AFF3: variants seen among roughly 807,000 people sequenced by gnomAD.
AFF3 encodes the protein AF4/FMR2 family member 3.
AFF3 carries 32 observed loss-of-function variants against 129.7 expected under a neutral mutation model. That is an observed-to-expected ratio of 0.25 (90% CI 0.19 to 0.33). The LOEUF (loss-of-function observed/expected upper bound fraction) is 0.33. Ranked by LOEUF, AFF3 falls within the 10% of genes least tolerant of loss-of-function variation. AFF3 has a pLI of 1.00. For missense variants in AFF3, 1,373 were observed against 1,592.0 expected (o/e 0.86, Z 2.34); for synonymous variants, 644 against 635.4 (o/e 1.01, Z -0.20).
intron 11 of AFF3, among the ~76,000 whole-genome samples, chr2:99,675,827 A>C (rs1687556996): frequency 6.6e-6 from 1 of 152,112 alleles, no homozygotes; most frequent in Admixed American, 6.5e-5. Context: ...CCACTCCCAA[A>C]CCCTGGGGAA....
At chr2:100,056,591 T>C (rs900335668) in intron 4 of AFF3, among the ~76,000 whole-genome samples, 1 of 152,166 alleles carries the variant, frequency 6.6e-6, no homozygotes, top group Non-Finnish European at 1.5e-5. Flanking sequence ...TCATTATCTC[T>C]TCTATCTTGG....
intron 24 of AFF3, among the ~76,000 whole-genome samples, chr2:99,551,973 T>C (rs2104462615): frequency 6.6e-6 from 1 of 152,142 alleles, no homozygotes; most frequent in African/African-American, 2.4e-5. Context: ...GCCCCTGGAG[T>C]GAGTCCAAGG....
chr2:99,829,345 A>C (rs1688342886), intron 8 of AFF3, among the ~76,000 whole-genome samples: 1 of 152,238 alleles, frequency 6.6e-6, no homozygotes, highest in Admixed American at 6.5e-5. Flanking sequence ...CAGAGTGAAC[A>C]GGCAACCTAC....
chr2:100,116,559 GACTTA>G (rs1271543543), intron 2 of AFF3, among the ~76,000 whole-genome samples: 1 of 151,928 alleles, frequency 6.6e-6, no homozygotes, highest in African/African-American at 2.4e-5. Context: ...ATGAATTCTT[GACTTA>G]TCAAAGTCCA....
chr2:99,999,381 T>C (rs891185849), intron 7 of AFF3, among the ~76,000 whole-genome samples: 3 of 152,230 alleles, frequency 2.0e-5, no homozygotes, highest in Non-Finnish European at 2.9e-5. Flanking sequence ...CCTTCTTTCA[T>C]CCATATCCTT....
At chr2:99,623,696 T>C (rs1368139214) in intron 13 of AFF3, among the ~76,000 whole-genome samples, 1 of 152,236 alleles carries the variant, frequency 6.6e-6, no homozygotes, top group African/African-American at 2.4e-5. Context: ...ACCCACTGCA[T>C]GTGCCCTTGT....
chr2:99,935,880 A>G (rs927977089), intron 7 of AFF3, among the ~76,000 whole-genome samples: 2 of 152,202 alleles, frequency 1.3e-5, no homozygotes, highest in Admixed American at 6.5e-5. Flanking sequence ...CCCCAGCGAC[A>G]TGGAGGAAGG....
intron 7 of AFF3, among the ~76,000 whole-genome samples, chr2:99,901,339 T>A (rs1026332637): frequency 6.6e-6 from 1 of 152,232 alleles, no homozygotes; most frequent in African/African-American, 2.4e-5. Context: ...AATCTAAACA[T>A]CACTGCAGCT....
chr2:99,989,879 A>G (rs895540989), intron 7 of AFF3, among the ~76,000 whole-genome samples: 6 of 152,226 alleles, frequency 3.9e-5, no homozygotes, highest in Non-Finnish European at 8.8e-5. Flanking sequence ...GTATTAGAAA[A>G]GCATTTTGCT....
intron 13 of AFF3, among the ~76,000 whole-genome samples, chr2:99,626,029 C>T (rs149967399): frequency 0.019 from 2,819 of 152,248 alleles, 30 homozygotes; most frequent in Admixed American, 0.054. Flanking sequence ...GTATAGAGAA[C>T]GCAGTTACTG....
chr2:100,049,940 G>T (rs910224869), intron 4 of AFF3, among the ~76,000 whole-genome samples: 1 of 152,150 alleles, frequency 6.6e-6, no homozygotes, highest in African/African-American at 2.4e-5. Context: ...TCGGCCAGGC[G>T]TAGTGGCTCA....
At chr2:99,777,798 A>G (rs1684028833) in intron 8 of AFF3, among the ~76,000 whole-genome samples, 1 of 151,042 alleles carries the variant, frequency 6.6e-6, no homozygotes, top group Admixed American at 6.6e-5. Flanking sequence ...ATGCACACAG[A>G]CAAGTTGGCT....
At chr2:99,568,445 G>A (rs541714074) in intron 19 of AFF3, among the ~76,000 whole-genome samples, 2 of 152,212 alleles carry the variant, frequency 1.3e-5, no homozygotes, top group African/African-American at 2.4e-5. Context: ...CATTCATTTC[G>A]GCAGATACAT....
chr2:100,014,786 T>C (rs1431689948), intron 4 of AFF3, among the ~76,000 whole-genome samples: 2 of 135,702 alleles, frequency 1.5e-5, no homozygotes, highest in Admixed American at 7.0e-5. Flanking sequence ...TTGCTTCCTT[T>C]TTTTTTTTTT....
chr2:99,733,876 T>G (rs1680037760), intron 10 of AFF3, among the ~76,000 whole-genome samples: 1 of 152,240 alleles, frequency 6.6e-6, no homozygotes, highest in Admixed American at 6.5e-5. Flanking sequence ...AGCTCCAACC[T>G]TGCTATTTAG....
chr2:99,838,303 T>C (rs1405540839), intron 7 of AFF3, among the ~76,000 whole-genome samples: 2 of 152,034 alleles, frequency 1.3e-5, no homozygotes, highest in Non-Finnish European at 2.9e-5. Flanking sequence ...GGAGATCACT[T>C]CTCTTCGTCC....
intron 7 of AFF3, among the ~76,000 whole-genome samples, chr2:99,989,891 C>T (rs765493541): frequency 6.6e-6 from 1 of 152,194 alleles, no homozygotes; most frequent in Non-Finnish European, 1.5e-5. Flanking sequence ...CATTTTGCTG[C>T]TTTCCCACGT....
intron 7 of AFF3, among the ~76,000 whole-genome samples, chr2:99,993,678 TAGAG>T (rs948737478): frequency 2.0e-5 from 3 of 150,232 alleles, no homozygotes; most frequent in African/African-American, 7.3e-5. Flanking sequence ...TCAAAGCAAT[TAGAG>T]AGAAACTAAT....
In AFF3 at chr2:99,551,465, G is replaced by T. The variant is rs1338295972; in HGVS notation, c.*9C>A. On this transcript the variant is annotated 3_prime_UTR_variant, in exon 25 of 25. Transcript: ENST00000672756. Reference sequence around the variant, plus strand: ...GACCAGAGCCCACTCTGGCCCCAGGGTGAGGTCCCTATGACAGGTGGGCGC... The same window carrying T: ...GACCAGAGCCCACTCTGGCCCCAGGTTGAGGTCCCTATGACAGGTGGGCGC... The T allele has an allele frequency of 6.2e-7, 1 of 1,613,994 alleles. No individual in the cohort carries two copies. Among genetic ancestry groups the T allele is most frequent in the African/African-American group, 1.3e-5 (1 of 75,054 alleles).
Sources: gnomAD v4.1 joint callset for allele counts (sites outside exome capture counted in the v4.1 genomes callset) on GRCh38, gnomAD v4.1.1 for gene constraint, MANE v1.5 for transcripts, NCBI Gene and HGNC (gene_info 2026-07-23, HGNC 2026-07-21) for gene names.